GHR: variants seen among roughly 807,000 people sequenced by gnomAD.
GHR encodes the protein GH receptor.
A neutral mutation model predicts 67.1 loss-of-function variants in GHR; 35 were observed. That is an observed-to-expected ratio of 0.52 (90% CI 0.40 to 0.69). The LOEUF is 0.69. Ranked by LOEUF, GHR falls within the 30% of genes least tolerant of loss-of-function variation. The pLI, the probability that GHR is intolerant of heterozygous loss-of-function variation, is 0.00. For synonymous variants in GHR, 272 were observed against 269.1 expected (o/e 1.01, Z -0.10); for missense variants, 792 against 764.6 (o/e 1.04, Z -0.42).
At chr5:42,537,321 C>T (rs748848718) in intron 1 of GHR, among the ~76,000 whole-genome samples, 1 of 152,050 alleles carries the variant, frequency 6.6e-6, no homozygotes, top group Non-Finnish European at 1.5e-5. Context: ...CTTAGCACTG[C>T]CTTTGCTGTA....
chr5:42,501,442 T>C (rs2112231969), intron 1 of GHR, among the ~76,000 whole-genome samples: 1 of 152,238 alleles, frequency 6.6e-6, no homozygotes, highest in South Asian at 2.1e-4. Flanking sequence ...ACAAAGATTG[T>C]CCCCTAAACT....
intron 3 of GHR, among the ~76,000 whole-genome samples, chr5:42,671,934 C>T (rs182452990): frequency 0.023 from 3,017 of 129,368 alleles, 89 homozygotes; most frequent in African/African-American, 0.078. Context: ...CCAGCCTGGG[C>T]GACAGAGCAA....
intron 6 of GHR, among the ~76,000 whole-genome samples, 164 bp from the exon 7 acceptor site, chr5:42,711,043 T>G (rs1758430281): frequency 6.6e-6 from 1 of 152,214 alleles, no homozygotes; most frequent in South Asian, 2.1e-4. Context: ...AAATGATTAT[T>G]TACATCAATC....
intron 2 of GHR, among the ~76,000 whole-genome samples, chr5:42,591,193 A>G (rs1310831990): frequency 5.3e-5 from 8 of 152,240 alleles, no homozygotes; most frequent in Admixed American, 4.6e-4. Context: ...GACATTGTCA[A>G]GGGTTGTCTG....
chr5:42,488,410 A>G (rs766528767), intron 1 of GHR, among the ~76,000 whole-genome samples: 11 of 152,214 alleles, frequency 7.2e-5, no homozygotes, highest in Non-Finnish European at 1.6e-4. Context: ...CCATCCTTTT[A>G]ACTGCTATGC....
rs1256114973 is a variant in GHR at position 42,512,089 on chromosome 5, G to C, written c.-11-53775G>C. 2.6e-5 allele frequency among the ~76,000 whole-genome samples: 4 copies of C among 152,114 alleles called. No individual in the cohort carries two copies. The East Asian group carries it at 7.7e-4, about 29-fold the overall frequency. ...TTACCCCCTACCAATCCCTGTGTATGGTCAAAAAATAGGACATTCCAATAC... is the reference window on the plus strand; with the variant it reads ...TTACCCCCTACCAATCCCTGTGTATCGTCAAAAAATAGGACATTCCAATAC... On this transcript the variant is annotated intron_variant, in intron 1 of 9. Coordinates refer to ENST00000230882, the MANE Select transcript of GHR (RefSeq NM_000163.5).
At chr5:42,538,772 T>G (rs1316176760) in intron 1 of GHR, among the ~76,000 whole-genome samples, 1 of 152,196 alleles carries the variant, frequency 6.6e-6, no homozygotes, top group Non-Finnish European at 1.5e-5. Context: ...AAATATGTTT[T>G]CCCAAACTTT....
chr5:42,653,912 A>G (rs946861476), intron 3 of GHR, among the ~76,000 whole-genome samples: 2 of 152,198 alleles, frequency 1.3e-5, no homozygotes, highest in East Asian at 1.9e-4. Context: ...GTATGAGGTC[A>G]TAAGTTTAAA....
chr5:42,595,822 C>T (rs1752037719), intron 2 of GHR, among the ~76,000 whole-genome samples: 1 of 152,170 alleles, frequency 6.6e-6, no homozygotes, highest in Non-Finnish European at 1.5e-5. Context: ...AAAGATGCAG[C>T]TGTGGAGTGA....
intron 1 of GHR, among the ~76,000 whole-genome samples, chr5:42,516,009 A>T (rs4866934): frequency 0.5 from 75,527 of 152,064 alleles, 19,662 homozygotes; most frequent in African/African-American, 0.63. Context: ...TCATTTGGTT[A>T]GTTTTTAGAG....
intron 3 of GHR, among the ~76,000 whole-genome samples, chr5:42,687,820 T>C (rs923094682): frequency 6.6e-6 from 1 of 152,078 alleles, no homozygotes; most frequent in Non-Finnish European, 1.5e-5. Context: ...ACAATATGAT[T>C]GAAGGCTAAT....
At chr5:42,575,135 T>C (rs1750581255) in intron 2 of GHR, among the ~76,000 whole-genome samples, 1 of 152,144 alleles carries the variant, frequency 6.6e-6, no homozygotes, top group Non-Finnish European at 1.5e-5. Context: ...AAGGGAGCTA[T>C]GGAGGAACTC....
chr5:42,653,216 A>G (rs893533524), intron 3 of GHR, among the ~76,000 whole-genome samples: 1 of 152,176 alleles, frequency 6.6e-6, no homozygotes, highest in Non-Finnish European at 1.5e-5. Context: ...CATGTTAAAC[A>G]TTTATTAAGC....
intron 2 of GHR, among the ~76,000 whole-genome samples, chr5:42,614,468 T>C (rs1009256928): frequency 1.3e-5 from 2 of 151,542 alleles, no homozygotes; most frequent in African/African-American, 2.4e-5. Flanking sequence ...CCTGACATCC[T>C]GCATTTCTAA....
intron 1 of GHR, among the ~76,000 whole-genome samples, chr5:42,433,757 G>C (rs1235533679): frequency 3.9e-5 from 1 of 25,950 alleles, no homozygotes; most frequent in South Asian, 9.8e-4. Context: ...TTTTTTTTTT[G>C]GTTAGGTAGA....
chr5:42,660,023 G>T (rs558238004), intron 3 of GHR, among the ~76,000 whole-genome samples: 3 of 152,330 alleles, frequency 2.0e-5, no homozygotes, highest in East Asian at 1.9e-4. Flanking sequence ...AGCAGTCTGA[G>T]ATCAAACTGC....
chr5:42,440,935 G>A (rs1288941484), intron 1 of GHR, among the ~76,000 whole-genome samples: 1 of 152,166 alleles, frequency 6.6e-6, no homozygotes, highest in African/African-American at 2.4e-5. Flanking sequence ...AGGAAAGTGA[G>A]GAACAGTAGT....
At chr5:42,512,272 G>C (rs1216084390) in intron 1 of GHR, among the ~76,000 whole-genome samples, 2 of 152,026 alleles carry the variant, frequency 1.3e-5, no homozygotes, top group Non-Finnish European at 2.9e-5. Flanking sequence ...GAGAATGGTG[G>C]GGGGATCCAG....
At chr5:42,443,976 TATAG>T (rs762873365) in intron 1 of GHR, among the ~76,000 whole-genome samples, 1 of 151,752 alleles carries the variant, frequency 6.6e-6, no homozygotes, top group African/African-American at 2.4e-5. Context: ...TAGATATAGA[TATAG>T]ATATAGATAT....
Sources: gnomAD v4.1 joint callset for allele counts (sites outside exome capture counted in the v4.1 genomes callset) on GRCh38, gnomAD v4.1.1 for gene constraint, MANE v1.5 for transcripts, NCBI Gene and HGNC (gene_info 2026-07-23, HGNC 2026-07-21) for gene names.